Variants in JAKMIP3 observed in about 807,000 individuals in gnomAD.
JAKMIP3 encodes Janus kinase and microtubule interacting protein 3.
JAKMIP3 carries 58 observed loss-of-function variants against 118.5 expected under a neutral mutation model. The ratio of observed to expected loss-of-function variants is 0.49; its 90% CI spans 0.40 to 0.61. The LOEUF (loss-of-function observed/expected upper bound fraction) is 0.61, where lower values mean the gene tolerates loss of function less well. Among genes scored for constraint, JAKMIP3 ranks in the 20% least tolerant of loss-of-function variants. The pLI is 0.00. For missense variants in JAKMIP3, 950 were observed against 1,109.0 expected, an observed-to-expected ratio of 0.86 and a Z score of 2.04; for synonymous variants, 486 against 451.2, an observed-to-expected ratio of 1.08 and a Z score of -0.98.
chr10:132,099,509 G>A (rs1434684098), intron 1 of JAKMIP3, among the ~76,000 whole-genome samples: 3 of 152,162 alleles, frequency 2.0e-5, no homozygotes, highest in African/African-American at 7.2e-5. Flanking sequence ...GAAACTGACC[G>A]CGAAGCCCAC....
intron 1 of JAKMIP3, among the ~76,000 whole-genome samples, chr10:132,097,958 T>TCCCTTC (rs2044212273): frequency 3.9e-5 from 2 of 51,926 alleles, no homozygotes; most frequent in African/African-American, 6.2e-5. Context: ...CCATCCCCTT[T>TCCCTTC]CCCTTTCCTT....
intron 4 of JAKMIP3, among the ~76,000 whole-genome samples, chr10:132,134,251 G>A (rs1053411055): frequency 1.3e-5 from 2 of 152,188 alleles, no homozygotes; most frequent in Non-Finnish European, 2.9e-5. Context: ...AACTCGAGTC[G>A]GGCCCAGGAC....
chr10:132,078,654 C>T (rs2041256725), intron 1 of JAKMIP3, among the ~76,000 whole-genome samples: 2 of 151,340 alleles, frequency 1.3e-5, no homozygotes, highest in Admixed American at 1.3e-4. Flanking sequence ...TGGCCATGTG[C>T]TCCTGTTCAA....
intron 19 of JAKMIP3, among the ~76,000 whole-genome samples, chr10:132,162,753 G>C (rs1159532617): frequency 7.3e-5 from 5 of 68,578 alleles, no homozygotes; most frequent in Non-Finnish European, 2.4e-4. Context: ...TTCATGAAAA[G>C]GTGTGTATTT....
At chr10:132,041,516 G>A (rs533454032) in intron 1 of JAKMIP3, among the ~76,000 whole-genome samples, 1 of 152,230 alleles carries the variant, frequency 6.6e-6, no homozygotes, top group Non-Finnish European at 1.5e-5. Context: ...CCTCTGCCGC[G>A]TGTCCCCACG....
In JAKMIP3 at chr10:132,049,174, G is replaced by A. The variant is rs1184028955; in HGVS notation, c.-138+12436G>A. ...CAGCATGTCTCAAAGTTGGTGGTCT[G>A]GGTTGATTTTCTAGCGGCTGGCGAG... On this transcript the variant is annotated intron_variant, in intron 1 of 23. Coordinates refer to the JAKMIP3 transcript ENST00000657785. The surrounding 1 kb of genome is among the most constrained non-coding windows in gnomAD (Gnocchi z 4.3). 2.6e-5 allele frequency among the ~76,000 whole-genome samples: 4 copies of A among 152,108 alleles called. No individual in the cohort carries two copies. Among genetic ancestry groups the A allele is most frequent in the Admixed American group, 1.3e-4 (2 of 15,264 alleles).
chr10:132,129,651 C>T (rs934208550), intron 3 of JAKMIP3, among the ~76,000 whole-genome samples: 4 of 152,184 alleles, frequency 2.6e-5, no homozygotes, highest in African/African-American at 9.7e-5. Context: ...TGATGAGAGG[C>T]ACTGATCTAC....
rs61864445 is a variant in JAKMIP3 at position 132,147,425 on chromosome 10, G to A, written c.1750-527G>A. ...ATCCGGTTTACTCGTAACTGGTTCC[G>A]TTTAAACAGCTCCTTAATTAGCCAA... is the stretch of plus-strand genomic sequence containing the variant. On this transcript the variant is annotated intron_variant, in intron 13 of 23. Transcript: ENST00000684848. Among the ~76,000 whole-genome samples, 292 of 152,316 alleles carry A rather than the reference G, an allele frequency of 1.9e-3. 3 individuals are homozygous for A. In the South Asian group the frequency reaches 0.023, roughly 12 times the overall value.
At chr10:132,107,069 CT>C (rs2046030345) in intron 2 of JAKMIP3, among the ~76,000 whole-genome samples, 3 of 130,864 alleles carry the variant, frequency 2.3e-5, no homozygotes, top group Non-Finnish European at 3.3e-5. Flanking sequence ...TTTTTTTTAA[CT>C]TTTTTGTAGA....
intron 1 of JAKMIP3, among the ~76,000 whole-genome samples, chr10:132,038,274 T>C (rs2037583588): frequency 6.6e-6 from 1 of 152,144 alleles, no homozygotes; most frequent in Middle Eastern, 3.2e-3. Context: ...CAGTTCAGCA[T>C]GCCCTGCAGT....
chr10:132,065,743 C>T (rs1303282954), upstream of JAKMIP3, among the ~76,000 whole-genome samples: 1 of 151,966 alleles, frequency 6.6e-6, no homozygotes, highest in Middle Eastern at 3.2e-3. The surrounding 1 kb of genome is among the most constrained non-coding windows in gnomAD (Gnocchi z 5.6). Flanking sequence ...CGAGAAGCGT[C>T]TGTTCGCGCC....
intron 1 of JAKMIP3, among the ~76,000 whole-genome samples, chr10:132,074,715 A>G (rs1158218713): frequency 6.6e-6 from 1 of 152,028 alleles, no homozygotes; most frequent in South Asian, 2.1e-4. Context: ...GTTTTAGTTG[A>G]GTTTGTTTTT....
At chr10:132,037,902 C>T (rs1055245006) in intron 1 of JAKMIP3, among the ~76,000 whole-genome samples, 11 of 152,228 alleles carry the variant, frequency 7.2e-5, no homozygotes, top group Non-Finnish European at 1.3e-4. Flanking sequence ...ACAGCAGTAC[C>T]AATTGGCCCC....
intron 1 of JAKMIP3, among the ~76,000 whole-genome samples, chr10:132,067,839 C>G (rs2039095664): frequency 7.0e-6 from 1 of 142,788 alleles, no homozygotes; most frequent in African/African-American, 2.6e-5. Flanking sequence ...CTGTGGGCTT[C>G]TGTGTGGACT....
Position 132,154,010 on chromosome 10 carries a change from T to C in JAKMIP3, c.2220+20T>C. ...AACAAGGTGAGAGGCACGAGACTGC[T>C]GGAACCCCGGGGAGGGGCACTGGGC... On this transcript the variant is annotated intron_variant, in intron 19 of 23. Transcript: ENST00000684848. 4.3e-6 allele frequency: 7 copies of C among 1,611,294 alleles called. 1 individual carries two copies. The South Asian group carries it at 5.5e-5, about 13-fold the overall frequency.
rs781099300 is a variant in JAKMIP3 at position 132,145,599 on chromosome 10, G to C, written c.1749+19G>C. 1.3e-6 allele frequency: 2 copies of C among 1,555,604 alleles called. No homozygotes were observed. Among genetic ancestry groups the C allele is most frequent in the East Asian group, 4.8e-5 (2 of 41,390 alleles). On this transcript the variant is annotated intron_variant, in intron 13 of 23. Coordinates refer to ENST00000684848, the MANE Select transcript of JAKMIP3 (RefSeq NM_001323087.2). ...GGAAAAGGTGAGCCCCGAACCCCTG[G>C]AGGCCCTGGCAGGACTCGCTCTATG... is the stretch of plus-strand genomic sequence containing the variant.
upstream of JAKMIP3, among the ~76,000 whole-genome samples, chr10:132,062,437 C>G (rs1017938184): frequency 6.6e-6 from 1 of 152,102 alleles, no homozygotes; most frequent in Non-Finnish European, 1.5e-5. Flanking sequence ...TACAATGATG[C>G]GAAAACAGAA....
rs768374048 is a variant in JAKMIP3, at chr10:132,140,484, G to C, written c.1378G>C (p.Glu460Gln). Residue 460 changes from glutamate to glutamine, a missense_variant, in exon 10 of 24, where the codon GAA becomes CAA. Glu to Gln is a conservative substitution (Grantham distance 29, BLOSUM62 2). Transcript: ENST00000684848. ...TGTGGAGACCTTCTTTGGATACGAC[G>C]AAGAGGCTTCCCTGGAATCCGACGG... ...VVVETFFGYDEEASLESDGSS... is the reference protein window; with the variant it reads ...VVVETFFGYDQEASLESDGSS... 1.2e-5 allele frequency: 20 copies of C among 1,613,904 alleles called. No individual in the cohort carries two copies. Among genetic ancestry groups the C allele is most frequent in the Middle Eastern group, 3.3e-4 (2 of 6,060 alleles).
At chr10:132,047,790 G>T (rs1339455957) in intron 1 of JAKMIP3, among the ~76,000 whole-genome samples, 5 of 106,566 alleles carry the variant, frequency 4.7e-5, no homozygotes, top group African/African-American at 1.7e-4. Flanking sequence ...CGCCCTCTGC[G>T]AGCTGAGTGT....
Sources: gnomAD v4.1 joint callset for allele counts (sites outside exome capture counted in the v4.1 genomes callset) on GRCh38, gnomAD v4.1.1 for gene constraint, Gnocchi (gnomAD v3.1) non-coding constraint, MANE v1.5 for transcripts, NCBI Gene and HGNC (gene_info 2026-07-23, HGNC 2026-07-21) for gene names.